PPHLN1: variants seen among roughly 807,000 people sequenced by gnomAD.
PPHLN1 encodes periphilin 1.
PPHLN1 carries 29 observed loss-of-function variants against 51.3 expected under a neutral mutation model. That is an observed-to-expected ratio of 0.57 (90% CI 0.42 to 0.77). The LOEUF (loss-of-function observed/expected upper bound fraction) is 0.77. Ranked by LOEUF, PPHLN1 falls within the 30% of genes least tolerant of loss-of-function variation. The pLI is 0.00. For missense variants in PPHLN1, 436 were observed against 438.4 expected, an observed-to-expected ratio of 0.99 and a Z score of 0.05; for synonymous variants, 147 against 147.8, an observed-to-expected ratio of 0.99 and a Z score of 0.04.
intron 9 of PPHLN1, among the ~76,000 whole-genome samples, chr12:42,411,337 G>A (rs988140792): frequency 2.5e-5 from 3 of 120,034 alleles, no homozygotes; most frequent in South Asian, 2.8e-4. Flanking sequence ...GCTGACTGCC[G>A]CAGTTACTAC....
chr12:42,384,280 T>A (rs2077012090), intron 5 of PPHLN1, among the ~76,000 whole-genome samples: 1 of 151,912 alleles, frequency 6.6e-6, no homozygotes, highest in African/African-American at 2.4e-5. Context: ...CAACTTGGGA[T>A]CTGTAGTAGA....
intron 2 of PPHLN1, among the ~76,000 whole-genome samples, 159 bp from the exon 3 acceptor site, chr12:42,351,726 A>C (rs951466349): frequency 2.0e-5 from 3 of 152,142 alleles, no homozygotes; most frequent in African/African-American, 7.2e-5. Context: ...CCATGTGAAG[A>C]CCTTAGTATT....
intron 6 of PPHLN1, chr12:42,386,825 A>T (rs1392209132): frequency 6.6e-6 from 1 of 152,236 alleles, no homozygotes; most frequent in Non-Finnish European, 1.5e-5. Context: ...TTCTATAAAA[A>T]ATAATATACA....
intron 4 of PPHLN1, among the ~76,000 whole-genome samples, chr12:42,373,486 A>G (rs1405053825): frequency 6.6e-6 from 1 of 152,226 alleles, no homozygotes; most frequent in Non-Finnish European, 1.5e-5. Flanking sequence ...TTTATATCCT[A>G]TGGACTGCCA....
chr12:42,397,818 T>A (rs1031071626), intron 8 of PPHLN1, among the ~76,000 whole-genome samples: 9 of 152,146 alleles, frequency 5.9e-5, no homozygotes, highest in African/African-American at 2.2e-4. Context: ...TTTGGCTCAC[T>A]GCAACCTCTG....
intron 6 of PPHLN1, chr12:42,387,250 C>A: frequency 2.3e-6 from 1 of 436,160 alleles, no homozygotes; most frequent in Admixed American, 4.1e-5. Flanking sequence ...CTATGATATC[C>A]TTTGGTTCCA....
At chr12:42,420,702 T>TCCCC (rs35176603) in intron 9 of PPHLN1, among the ~76,000 whole-genome samples, 1 of 28,302 alleles carries the variant, frequency 3.5e-5, no homozygotes, top group African/African-American at 1.0e-4. Context: ...CTCCCCTCCC[T>TCCCC]CCCTCTCTCT....
intron 9 of PPHLN1, chr12:42,431,890 A>C (rs565052271): frequency 6.3e-7 from 1 of 1,594,616 alleles, no homozygotes; most frequent in South Asian, 1.1e-5. Flanking sequence ...TCCATCCATC[A>C]GAACAGCATC....
chr12:42,336,013 G>T (rs957746630), intron 2 of PPHLN1, 39 bp downstream of exon 2: 1 of 1,369,844 alleles, frequency 7.3e-7, no homozygotes. Flanking sequence ...CAAAAACCTG[G>T]TGTCTGAATT....
chr12:42,363,328 A>T (rs1249635370), intron 4 of PPHLN1, among the ~76,000 whole-genome samples: 1 of 119,062 alleles, frequency 8.4e-6, no homozygotes, highest in Non-Finnish European at 2.0e-5. Flanking sequence ...TAATTAATTA[A>T]TTTAAAAAAA....
intron 5 of PPHLN1, among the ~76,000 whole-genome samples, chr12:42,378,521 T>A (rs905083932): frequency 2.6e-5 from 4 of 152,086 alleles, no homozygotes; most frequent in African/African-American, 9.7e-5. Flanking sequence ...CTAGTATAAA[T>A]TGAAATTTTG....
intron 9 of PPHLN1, among the ~76,000 whole-genome samples, chr12:42,439,423 C>T (rs1471518053): frequency 6.6e-6 from 1 of 152,202 alleles, no homozygotes; most frequent in Non-Finnish European, 1.5e-5. Flanking sequence ...CTGGACTGTC[C>T]TGTCCTTGAT....
At chr12:42,425,390 C>CTCCTCAGG in intron 9 of PPHLN1, among the ~76,000 whole-genome samples, 3 of 148,334 alleles carry the variant, frequency 2.0e-5, no homozygotes, top group African/African-American at 5.1e-5. Context: ...TGCGCCCAGC[C>CTCCTCAGG]TATTTTATTT....
intron 7 of PPHLN1, 45 bp downstream of exon 7, chr12:42,387,580 G>A (rs1565904138): frequency 1.9e-6 from 3 of 1,602,022 alleles, no homozygotes; most frequent in East Asian, 4.5e-5. Flanking sequence ...ATTACAAATT[G>A]AGATGGACTG....
chr12:42,392,366 G>A (rs926746001), intron 7 of PPHLN1, among the ~76,000 whole-genome samples: 1 of 152,170 alleles, frequency 6.6e-6, no homozygotes, highest in African/African-American at 2.4e-5. Context: ...TTTAATTAAA[G>A]TACTTCTTTT....
downstream of PPHLN1, chr12:42,443,065 C>G: frequency 4.2e-6 from 1 of 239,384 alleles, no homozygotes; most frequent in South Asian, 6.6e-5. Context: ...TTAGTTAAGG[C>G]TACTTTGGCC....
chr12:42,426,169 A>ACCC (rs1213418306), intron 9 of PPHLN1, among the ~76,000 whole-genome samples: 1 of 111,424 alleles, frequency 9.0e-6, no homozygotes, highest in African/African-American at 3.9e-5. Flanking sequence ...ATTAGACTTG[A>ACCC]CACCACACAC....
chr12:42,329,287 A>C (rs1293784731), intron 1 of PPHLN1, among the ~76,000 whole-genome samples: 1 of 151,740 alleles, frequency 6.6e-6, no homozygotes, highest in Non-Finnish European at 1.5e-5. Context: ...TTGTATTTTT[A>C]GTAGAGATGG....
rs541214129 is a variant in PPHLN1 at position 42,345,438 on chromosome 12, A to G, written c.73-6447A>G. Among the ~76,000 whole-genome samples the G allele has an allele frequency of 2.3e-3, 346 of 152,072 alleles. 1 individual carries two copies. Among genetic ancestry groups the G allele is most frequent in the African/African-American group, 7.9e-3 (330 of 41,522 alleles). ...ATAGACCTTTCATTTTAAATGAGCT[A>G]CATATACTTTTTATTTTTGGTCTGA... On this transcript the variant is annotated intron_variant, in intron 2 of 9. Coordinates refer to ENST00000358314, the MANE Select transcript of PPHLN1 (RefSeq NM_201439.2).
Sources: gnomAD v4.1 joint callset for allele counts (sites outside exome capture counted in the v4.1 genomes callset) on GRCh38, gnomAD v4.1.1 for gene constraint, MANE v1.5 for transcripts, NCBI Gene and HGNC (gene_info 2026-07-23, HGNC 2026-07-21) for gene names.